The following LDHC variants were observed in gnomAD, a reference collection of about 807,000 sequenced individuals.
The protein encoded by LDHC is lactate dehydrogenase C.
Under a neutral mutation model 30.2 loss-of-function variants are expected in LDHC, and 20 were observed. The ratio of observed to expected loss-of-function variants is 0.66; its 90% CI spans 0.47 to 0.96. The LOEUF (loss-of-function observed/expected upper bound fraction) is 0.96, where lower values mean the gene tolerates loss of function less well. LDHC is among the 40% of genes least tolerant of loss of function. The probability of loss-of-function intolerance (pLI) is 0.00; values close to 1 mark genes in which losing one functional copy is unlikely to be tolerated. For missense variants in LDHC, 362 were observed against 394.9 expected, an observed-to-expected ratio of 0.92 and a Z score of 0.71; for synonymous variants, 139 against 132.7, an observed-to-expected ratio of 1.05 and a Z score of -0.32.
intron 3 of LDHC, among the ~76,000 whole-genome samples, chr11:18,417,852 G>C (rs1867051561): frequency 6.6e-6 from 1 of 152,160 alleles, no homozygotes. Flanking sequence ...AGGGTCGCAT[G>C]AGGCCAGGAG....
intron 7 of LDHC, chr11:18,450,745 A>G (rs1384521029): frequency 7.0e-6 from 3 of 429,044 alleles, no homozygotes; most frequent in Non-Finnish European, 1.2e-5. Flanking sequence ...GGGTCCTTCT[A>G]AAGGCCTCTG....
intron 5 of LDHC, 104 bp from the exon 6 acceptor site, chr11:18,438,424 T>C: frequency 2.8e-6 from 2 of 711,088 alleles, no homozygotes; most frequent in Non-Finnish European, 5.1e-6. Context: ...GACAAACATC[T>C]GAACCATATC....
chr11:18,419,781 A>G (rs1036930074), intron 3 of LDHC, among the ~76,000 whole-genome samples: 2 of 152,162 alleles, frequency 1.3e-5, no homozygotes, highest in Admixed American at 1.3e-4. Flanking sequence ...GGAACAAAAT[A>G]TAACTTATAA....
At chr11:18,421,587 C>T (rs770896952) in intron 3 of LDHC, among the ~76,000 whole-genome samples, 4 of 151,972 alleles carry the variant, frequency 2.6e-5, no homozygotes, top group Non-Finnish European at 4.4e-5. Flanking sequence ...GCAGGAGAAT[C>T]GCTTTAACCT....
chr11:18,445,398 A>G (rs1358941525), intron 6 of LDHC, among the ~76,000 whole-genome samples: 1 of 152,060 alleles, frequency 6.6e-6, no homozygotes, highest in Non-Finnish European at 1.5e-5. Flanking sequence ...TGTGTTGGCC[A>G]GTGTTGGCCA....
chr11:18,415,621 G>A (rs750362285), intron 3 of LDHC, among the ~76,000 whole-genome samples: 55 of 152,122 alleles, frequency 3.6e-4, no homozygotes, highest in Non-Finnish European at 6.6e-4. Flanking sequence ...TAATAGAGAC[G>A]TAGTTTTGCC....
At chr11:18,445,192 A>ATT (rs112115655) in intron 6 of LDHC, among the ~76,000 whole-genome samples, 3 of 145,728 alleles carry the variant, frequency 2.1e-5, no homozygotes. Context: ...GCTAGTAACA[A>ATT]TTTTTTTTTT....
intron 6 of LDHC, among the ~76,000 whole-genome samples, chr11:18,443,062 A>T (rs1439441509): frequency 6.6e-6 from 1 of 152,140 alleles, no homozygotes; most frequent in East Asian, 1.9e-4. Context: ...CATTATTGGT[A>T]TGTTTTATTT....
rs1848553711 is a variant in LDHC, at chr11:18,446,276, G to A, written c.777G>A (p.Leu259=). Residue 259 remains leucine, a synonymous_variant, in exon 7 of 8, where the codon TTG becomes TTA. Coordinates refer to ENST00000541669, the MANE Select transcript of LDHC (RefSeq NM_017448.5). ...CTATTGGACTGTCTGTGATGGATTTGGTAGGATCCATTTTGAAAAATCTTA... is the reference window on the plus strand; with the variant it reads ...CTATTGGACTGTCTGTGATGGATTTAGTAGGATCCATTTTGAAAAATCTTA... ...SWAIGLSVMD[L]VGSILKNLRR... 2 of 1,593,398 alleles carry A rather than the reference G, an allele frequency of 1.3e-6. No individual in the cohort carries two copies. The highest frequency in any genetic ancestry group is 1.7e-6 in the Non-Finnish European group (2 of 1,161,162).
intron 3 of LDHC, among the ~76,000 whole-genome samples, chr11:18,422,623 T>A (rs911309701): frequency 2.0e-5 from 3 of 151,874 alleles, no homozygotes; most frequent in Non-Finnish European, 2.9e-5. Context: ...AGCTATTATT[T>A]ACAATATCAT....
chr11:18,431,675 G>C (rs546892344), intron 4 of LDHC, among the ~76,000 whole-genome samples: 4 of 152,086 alleles, frequency 2.6e-5, no homozygotes, highest in Admixed American at 2.6e-4. Context: ...CTCCCATGTT[G>C]CTGGGACTGC....
At position 18,450,964 on chromosome 11, in the gene LDHC, G is replaced by A. The variant is rs375667359; in HGVS notation, c.836G>A (p.Gly279Glu). ...RVHPVSTMVKGLYGIKEELFL... is the reference protein window; with the variant it reads ...RVHPVSTMVKELYGIKEELFL... ...ACAATATCTTATCTTGCCTTTCAGGGATTATATGGAATAAAAGAAGAACTC... is the reference window on the plus strand; with the variant it reads ...ACAATATCTTATCTTGCCTTTCAGGAATTATATGGAATAAAAGAAGAACTC... Residue 279 changes from glycine (G) to glutamate (E), a missense_variant and splice_region_variant, in exon 8 of 8, where the codon GGA becomes GAA. Gly to Glu is a moderately conservative substitution (Grantham distance 98). Coordinates refer to ENST00000541669, the MANE Select transcript of LDHC (RefSeq NM_017448.5). 1.9e-6 allele frequency: 3 copies of A among 1,582,524 alleles called. No homozygotes were observed. The highest frequency in any genetic ancestry group is 2.3e-5 in the East Asian group (1 of 43,730).
intron 3 of LDHC, among the ~76,000 whole-genome samples, chr11:18,421,302 G>A (rs1209086298): frequency 3.3e-5 from 5 of 151,894 alleles, no homozygotes; most frequent in Non-Finnish European, 7.4e-5. Flanking sequence ...TGGTCTGCCC[G>A]CTTCGGCTTC....
At chr11:18,420,259 G>A (rs1319925848) in intron 3 of LDHC, among the ~76,000 whole-genome samples, 3 of 152,166 alleles carry the variant, frequency 2.0e-5, no homozygotes, top group Non-Finnish European at 2.9e-5. Context: ...AAGAGATTAT[G>A]ATTCAGCATT....
chr11:18,441,544 A>G (rs1848466456), intron 6 of LDHC, among the ~76,000 whole-genome samples: 1 of 150,966 alleles, frequency 6.6e-6, no homozygotes, highest in Non-Finnish European at 1.5e-5. Context: ...TGACCTCATG[A>G]TCTGCCCACC....
intron 2 of LDHC, among the ~76,000 whole-genome samples, chr11:18,413,363 A>G (rs1459511523): frequency 6.6e-6 from 1 of 151,656 alleles, no homozygotes; most frequent in Non-Finnish European, 1.5e-5. Context: ...GATTACAGGC[A>G]TGAGCCACCA....
chr11:18,430,646 G>A (rs1848249440), intron 4 of LDHC, among the ~76,000 whole-genome samples: 1 of 152,174 alleles, frequency 6.6e-6, no homozygotes, highest in African/African-American at 2.4e-5. Context: ...ACAGATGTGA[G>A]CCACTGCACC....
chr11:18,442,304 C>T (rs911860638), intron 6 of LDHC, among the ~76,000 whole-genome samples: 2 of 152,286 alleles, frequency 1.3e-5, no homozygotes, highest in African/African-American at 4.8e-5. Flanking sequence ...AACTCAAACT[C>T]AAGGTTATCT....
At chr11:18,439,823 A>C (rs548701444) in intron 6 of LDHC, among the ~76,000 whole-genome samples, 10 of 143,740 alleles carry the variant, frequency 7.0e-5, no homozygotes, top group East Asian at 4.0e-4. Context: ...AAAAAAAAAA[A>C]AAAAAAAAAA....
Sources: gnomAD v4.1 joint callset for allele counts (sites outside exome capture counted in the v4.1 genomes callset) on GRCh38, gnomAD v4.1.1 for gene constraint, MANE v1.5 for transcripts, NCBI Gene and HGNC (gene_info 2026-07-23, HGNC 2026-07-21) for gene names.